Variants in STX1A observed in about 807,000 individuals in gnomAD.
STX1A encodes syntaxin-1A.
In STX1A, 4 loss-of-function variants were observed where a neutral mutation model predicts 37.8. That is an observed-to-expected ratio of 0.11 (90% confidence interval 0.05 to 0.24). The LOEUF is 0.24. Among genes scored for constraint, STX1A ranks in the 10% least tolerant of loss-of-function variants. STX1A has a pLI of 1.00. For missense variants in STX1A, 251 were observed against 399.9 expected (o/e 0.63, Z 3.18); for synonymous variants, 135 against 147.4 (o/e 0.92, Z 0.61).
chr7:73,702,688 G>T lies in STX1A; in HGVS notation c.678+157C>A. ...GCAGAGGACAGGGACCTTCGGGTCG[G>T]CAGGGCCCTGGCGGCAGTTTCAACA... is the stretch of plus-strand genomic sequence containing the variant. On this transcript the variant is annotated intron_variant, in intron 8 of 9. Coordinates refer to ENST00000222812, the MANE Select transcript of STX1A (RefSeq NM_004603.4). This position sits in a 1 kb window ranked among gnomAD's most constrained non-coding sequence, Gnocchi z 4.7. The T allele has an allele frequency of 6.7e-7, 1 of 1,496,242 alleles. No homozygotes were observed. 92.7% of individuals were successfully genotyped at this position (1,496,242 alleles called of 1,614,324 possible).
rs1289009523 is a variant in STX1A at position 73,717,147 on chromosome 7, C to T, written c.30+2455G>A. On this transcript the variant is annotated intron_variant, in intron 1 of 9. Coordinates refer to ENST00000222812, the MANE Select transcript of STX1A (RefSeq NM_004603.4). This position sits in a 1 kb window ranked among gnomAD's most constrained non-coding sequence, Gnocchi z 4.1. Reference sequence around the variant, plus strand: ...AGTGTGACTTTTATAAATAAGCTCTCTTCGCCTCCTTCCAAATGTGGTGGT... The same window carrying T: ...AGTGTGACTTTTATAAATAAGCTCTTTTCGCCTCCTTCCAAATGTGGTGGT... 6.7e-6 allele frequency among the ~76,000 whole-genome samples: 1 copy of T among 149,432 alleles called. No individual in the cohort carries two copies. The highest frequency in any genetic ancestry group is 6.8e-5 in the Admixed American group (1 of 14,792).
At chr7:73,707,081 A>G (rs1285783608) in intron 3 of STX1A, among the ~76,000 whole-genome samples, 1 of 152,126 alleles carries the variant, frequency 6.6e-6, no homozygotes, top group East Asian at 1.9e-4. Flanking sequence ...ATAGACCAGG[A>G]GGCCGTGCTG....
In STX1A at chr7:73,717,757, C is replaced by T. The variant is rs1429643177; in HGVS notation, c.30+1845G>A. On this transcript the variant is annotated intron_variant, in intron 1 of 9. Transcript: ENST00000222812. This position sits in a 1 kb window ranked among gnomAD's most constrained non-coding sequence, Gnocchi z 4.1. Reference sequence around the variant, plus strand: ...CTGGCTTCACCATCTAATCAGGGGGCGAGGAGGTAGTAACAGAGACAGACA... The same window carrying T: ...CTGGCTTCACCATCTAATCAGGGGGTGAGGAGGTAGTAACAGAGACAGACA... Among the ~76,000 whole-genome samples the T allele has an allele frequency of 6.6e-6, 1 of 152,104 alleles. No homozygotes were observed. Among genetic ancestry groups the T allele is most frequent in the Non-Finnish European group, 1.5e-5 (1 of 68,012 alleles).
chr7:73,700,647 G>A lies in STX1A; in HGVS notation c.789+83C>T. 6.4e-7 allele frequency: 1 copy of A among 1,564,876 alleles called. No homozygotes were observed. The highest frequency in any genetic ancestry group is 8.7e-7 in the Non-Finnish European group (1 of 1,147,838). ...GGGAGCTCCTGAGAGAAGGGAGAGA[G>A]GTGGGATGGGGAGGGATGTGGGATG... On this transcript the variant is annotated intron_variant, in intron 9 of 9. Coordinates refer to ENST00000222812, the MANE Select transcript of STX1A (RefSeq NM_004603.4). The surrounding 1 kb of genome is among the most constrained non-coding windows in gnomAD (Gnocchi z 4.4).
At chr7:73,712,643 C>A (rs1327460158) in intron 1 of STX1A, among the ~76,000 whole-genome samples, 2 of 152,166 alleles carry the variant, frequency 1.3e-5, no homozygotes, top group Admixed American at 1.3e-4. Flanking sequence ...CTTCCCCAGA[C>A]AGCTCTGCCC....
chr7:73,705,247 G>T lies in STX1A; in HGVS notation c.209-23C>A. ...TCTCTGGGGAGGTAGAAAGGGTGGG[G>T]GTAGGCCTCCTAGGCTCCGCGGGGA... On this transcript the variant is annotated intron_variant, in intron 3 of 9. Coordinates refer to ENST00000222812, the MANE Select transcript of STX1A (RefSeq NM_004603.4). The surrounding 1 kb of genome is among the most constrained non-coding windows in gnomAD (Gnocchi z 5.2). 1 of 1,607,950 alleles carries T rather than the reference G, an allele frequency of 6.2e-7. No individual in the cohort carries two copies. Among genetic ancestry groups the T allele is most frequent in the Non-Finnish European group, 8.5e-7 (1 of 1,174,674 alleles).
Position 73,709,447 on chromosome 7 carries a change from G to A in STX1A, c.31-325C>T, listed in dbSNP as rs926442919. Among the ~76,000 whole-genome samples, 3 of 152,086 alleles carry A rather than the reference G, an allele frequency of 2.0e-5. No homozygotes were observed. Among genetic ancestry groups the A allele is most frequent in the East Asian group, 1.9e-4 (1 of 5,192 alleles). On this transcript the variant is annotated intron_variant, in intron 1 of 9. Coordinates refer to ENST00000222812, the MANE Select transcript of STX1A (RefSeq NM_004603.4). The surrounding 1 kb of genome is among the most constrained non-coding windows in gnomAD (Gnocchi z 4.2). ...GAGGCAAGCGAGCCTGGGGCCGGCC[G>A]CTCTGTCTGGGCCCTCTGGGTCCCC... is the stretch of plus-strand genomic sequence containing the variant.
intron 2 of STX1A, 95 bp from the exon 3 acceptor site, chr7:73,708,783 C>A: frequency 7.3e-7 from 1 of 1,365,536 alleles, no homozygotes; most frequent in South Asian, 1.2e-5. Context: ...GGTCAGGGCT[C>A]AGGGGGAGGA....
Position 73,717,106 on chromosome 7 carries a change from G to A in STX1A, c.30+2496C>T, listed in dbSNP as rs554421660. Among the ~76,000 whole-genome samples, 6 of 152,010 alleles carry A rather than the reference G, an allele frequency of 3.9e-5. No individual in the cohort carries two copies. The highest frequency in any genetic ancestry group is 5.9e-5 in the Non-Finnish European group (4 of 67,984). On this transcript the variant is annotated intron_variant, in intron 1 of 9. Transcript: ENST00000222812. This position sits in a 1 kb window ranked among gnomAD's most constrained non-coding sequence, Gnocchi z 4.1. ...CCGGGCCTGCAGAGTGAGGAAACGCGCCAGCTCCTTCCCCAAGTGTGACTT... is the reference window on the plus strand; with the variant it reads ...CCGGGCCTGCAGAGTGAGGAAACGCACCAGCTCCTTCCCCAAGTGTGACTT...
intron 7 of STX1A, 164 bp downstream of exon 7, chr7:73,703,589 ATG>A: frequency 1.2e-6 from 1 of 850,720 alleles, no homozygotes; most frequent in Non-Finnish European, 2.0e-6. Context: ...GCTGACATTT[ATG>A]TGACCTCAGC....
chr7:73,701,620 C>G (rs909837649), intron 8 of STX1A, among the ~76,000 whole-genome samples: 6 of 152,192 alleles, frequency 3.9e-5, no homozygotes, highest in African/African-American at 2.4e-5. Context: ...AGAGGCCAAT[C>G]TGACCATGAC....
chr7:73,712,865 TC>T (rs1282411089), intron 1 of STX1A, among the ~76,000 whole-genome samples: 1 of 152,156 alleles, frequency 6.6e-6, no homozygotes, highest in Non-Finnish European at 1.5e-5. Context: ...CAAGAGTTGT[TC>T]CACTGTGCCT....
In STX1A at chr7:73,702,610, T is replaced by C. The variant is rs782398192; in HGVS notation, c.678+235A>G. On this transcript the variant is annotated intron_variant, in intron 8 of 9. Coordinates refer to ENST00000222812, the MANE Select transcript of STX1A (RefSeq NM_004603.4). The surrounding 1 kb of genome is among the most constrained non-coding windows in gnomAD (Gnocchi z 4.7). ...TAGGGGAATGAGAGACGGCGGGGTA[T>C]AGAGGGTGGGGCCATGCAGGGCCTG... 6 of 1,288,626 alleles carry C rather than the reference T, an allele frequency of 4.7e-6. No homozygotes were observed. The highest frequency in any genetic ancestry group is 5.9e-5 in the Admixed American group (2 of 33,862). The allele number at this position is 1,288,626 out of a possible 1,614,324, so 79.8% of individuals were successfully genotyped here.
intron 1 of STX1A, among the ~76,000 whole-genome samples, chr7:73,710,059 G>A (rs966631877): frequency 5.9e-5 from 9 of 152,052 alleles, no homozygotes; most frequent in Non-Finnish European, 8.8e-5. Context: ...ATTGGACCTC[G>A]GTCTGCCTCC....
chr7:73,704,611 G>A, intron 4 of STX1A, 188 bp from the exon 5 acceptor site: 1 of 691,458 alleles, frequency 1.4e-6, no homozygotes. Flanking sequence ...GACGCTGTGT[G>A]GTGTGTGCAT....
rs144488207 is a variant in STX1A at position 73,705,220 on chromosome 7, C to T, written c.213G>A (p.Thr71=). 85 of 1,613,792 alleles carry T rather than the reference C, an allele frequency of 5.3e-5. No homozygotes were observed. Among genetic ancestry groups the T allele is most frequent in the Non-Finnish European group, 6.9e-5 (81 of 1,179,858 alleles). The change falls in exon 4 of 10, where the codon ACG becomes ACA. Residue 71 remains threonine (T), a synonymous_variant. Coordinates refer to ENST00000222812, the MANE Select transcript of STX1A (RefSeq NM_004603.4). The surrounding 1 kb of genome is among the most constrained non-coding windows in gnomAD (Gnocchi z 5.2). ...ILASPNPDEK[T]KEELEELMSD... is the part of the protein sequence containing the mutation. ...ACATGAGTTCTTCCAGCTCCTCCTT[C>T]GTCTCTGGGGAGGTAGAAAGGGTGG...
chr7:73,701,423 G>T (rs1480046077), intron 8 of STX1A, among the ~76,000 whole-genome samples: 1 of 152,088 alleles, frequency 6.6e-6, no homozygotes, highest in Non-Finnish European at 1.5e-5. Flanking sequence ...TCAGGAGGCT[G>T]AGGCAGGAGA....
In STX1A at chr7:73,705,531, C is replaced by T; in HGVS notation, c.209-307G>A. On this transcript the variant is annotated intron_variant, in intron 3 of 9. Coordinates refer to ENST00000222812, the MANE Select transcript of STX1A (RefSeq NM_004603.4). The surrounding 1 kb of genome is among the most constrained non-coding windows in gnomAD (Gnocchi z 5.2). ...TAAGGCAGAAGTAATTGTGGAGCAGCTGGCGATGCTGGAGTTGGCGCCGGG... is the reference window on the plus strand; with the variant it reads ...TAAGGCAGAAGTAATTGTGGAGCAGTTGGCGATGCTGGAGTTGGCGCCGGG... 3.0e-6 allele frequency: 1 copy of T among 336,026 alleles called. No individual in the cohort carries two copies. 20.8% of individuals were successfully genotyped at this position (336,026 alleles called of 1,614,324 possible).
intron 1 of STX1A, among the ~76,000 whole-genome samples, chr7:73,715,851 G>T (rs561033881): frequency 6.6e-6 from 1 of 152,208 alleles, no homozygotes; most frequent in African/African-American, 2.4e-5. Context: ...AGGGGTGTGC[G>T]AGAGGCCAAG....
Sources: gnomAD v4.1 joint callset for allele counts (sites outside exome capture counted in the v4.1 genomes callset) on GRCh38, gnomAD v4.1.1 for gene constraint, Gnocchi (gnomAD v3.1) non-coding constraint, MANE v1.5 for transcripts, NCBI Gene and HGNC (gene_info 2026-07-23, HGNC 2026-07-21) for gene names.